Variants in MCTP2 observed in about 807,000 individuals in gnomAD.
MCTP2 encodes the protein multiple C2 and transmembrane domain-containing protein 2.
MCTP2 carries 132 observed loss-of-function variants against 111.6 expected under a neutral mutation model. The observed-to-expected ratio is 1.18, with a 90% CI of 1.03 to 1.37. The LOEUF (loss-of-function observed/expected upper bound fraction) is 1.37. Ranked by LOEUF, MCTP2 falls within the 40% of genes most tolerant of loss-of-function variation. The pLI is 0.00. For missense variants in MCTP2, 1,183 were observed against 1,067.9 expected (o/e 1.11, Z -1.50); for synonymous variants, 395 against 387.7 (o/e 1.02, Z -0.22).
intron 10 of MCTP2, among the ~76,000 whole-genome samples, chr15:94,363,631 A>C (rs2079046373): frequency 6.6e-6 from 1 of 152,176 alleles, no homozygotes. Flanking sequence ...CATGTCTTGC[A>C]GATGAGCTAT....
At chr15:94,321,938 A>G (rs1022430818) in intron 4 of MCTP2, among the ~76,000 whole-genome samples, 1 of 152,234 alleles carries the variant, frequency 6.6e-6, no homozygotes, top group African/African-American at 2.4e-5. Flanking sequence ...ATTATTCGTT[A>G]GGTGAAAGTG....
At chr15:94,426,783 A>T (rs77123705) in intron 17 of MCTP2, among the ~76,000 whole-genome samples, 1 of 152,150 alleles carries the variant, frequency 6.6e-6, no homozygotes, top group Non-Finnish European at 1.5e-5. Context: ...CAGAGAGGAT[A>T]TAGAGTAGGC....
intron 19 of MCTP2, among the ~76,000 whole-genome samples, chr15:94,453,928 ATC>A (rs1689109256): frequency 6.6e-6 from 1 of 152,190 alleles, no homozygotes. Flanking sequence ...ATGTTGATAT[ATC>A]TCTCTGTGGA....
chr15:94,340,280 C>G lies in MCTP2; in HGVS notation c.857+5C>G, dbSNP rs369953247. On this transcript the variant is annotated splice_donor_5th_base_variant and intron_variant, in intron 6 of 22. Transcript: ENST00000357742. ...CAGTGATCTTGAGCTTAACAGGTAC[C>G]GTATTTTTACATTTTAATTGTTATT... The G allele has an allele frequency of 5.6e-6, 9 of 1,600,352 alleles. No homozygotes were observed. The highest frequency in any genetic ancestry group is 7.7e-6 in the Non-Finnish European group (9 of 1,167,940).
chr15:94,330,548 T>C (rs2077084815), intron 4 of MCTP2, among the ~76,000 whole-genome samples: 1 of 152,166 alleles, frequency 6.6e-6, no homozygotes, highest in African/African-American at 2.4e-5. Context: ...TAGTCTCTTT[T>C]TATTGTAGTA....
chr15:94,285,917 G>A (rs967792726), intron 1 of MCTP2, among the ~76,000 whole-genome samples: 9 of 152,090 alleles, frequency 5.9e-5, no homozygotes, highest in African/African-American at 1.4e-4. Flanking sequence ...AATTTCATCC[G>A]GTTCTTTTAG....
chr15:94,358,793 TA>T (rs953155937), intron 10 of MCTP2, among the ~76,000 whole-genome samples, 181 bp downstream of exon 10: 9 of 152,200 alleles, frequency 5.9e-5, no homozygotes, highest in Non-Finnish European at 1.3e-4. Context: ...TTTGTTTGTT[TA>T]ATTGGGAAAT....
chr15:94,235,851 A>G (rs1448930495), intron 1 of MCTP2, among the ~76,000 whole-genome samples: 1 of 152,150 alleles, frequency 6.6e-6, no homozygotes, highest in African/African-American at 2.4e-5. Context: ...TGCCACTGTT[A>G]TGTGTTGGCA....
chr15:94,421,862 T>C (rs1360074082), intron 17 of MCTP2, among the ~76,000 whole-genome samples: 3 of 152,160 alleles, frequency 2.0e-5, no homozygotes, highest in Admixed American at 6.6e-5. Flanking sequence ...TGTGGGTGCC[T>C]ATTTGGGATT....
At chr15:94,464,029 T>G (rs2152532486) in intron 20 of MCTP2, among the ~76,000 whole-genome samples, 1 of 151,488 alleles carries the variant, frequency 6.6e-6, no homozygotes. Flanking sequence ...TGACTTATTT[T>G]GTGTTCTTGA....
chr15:94,313,850 C>T (rs1449063360), intron 2 of MCTP2, among the ~76,000 whole-genome samples: 1 of 152,204 alleles, frequency 6.6e-6, no homozygotes, highest in Non-Finnish European at 1.5e-5. Context: ...TCTCTCAGAT[C>T]ACTCTTTGAA....
At chr15:94,344,778 C>A (rs2077872519) in intron 7 of MCTP2, among the ~76,000 whole-genome samples, 1 of 152,110 alleles carries the variant, frequency 6.6e-6, no homozygotes, top group Non-Finnish European at 1.5e-5. Flanking sequence ...TTTATAATAT[C>A]TGAGTATTTC....
intron 1 of MCTP2, among the ~76,000 whole-genome samples, chr15:94,251,525 AT>A (rs199750160): frequency 0.011 from 1,623 of 151,564 alleles, 79 homozygotes; most frequent in East Asian, 0.027. Context: ...CGCCTGGCTA[AT>A]TTTTGTATTT....
In MCTP2 at chr15:94,441,319, A is replaced by G. The variant is rs188649118; in HGVS notation, c.2208+1021A>G. Among the ~76,000 whole-genome samples, 295 of 152,360 alleles carry G rather than the reference A, an allele frequency of 1.9e-3. 1 individual carries two copies. The highest frequency in any genetic ancestry group is 4.6e-3 in the African/African-American group (192 of 41,574). ...AATGCAATAGGCATGAACACATATC[A>G]GTGAGAAAATAGAACCAGCTAATAA... On this transcript the variant is annotated intron_variant, in intron 18 of 22. Coordinates refer to ENST00000357742, the MANE Select transcript of MCTP2 (RefSeq NM_001385001.1).
At chr15:94,266,661 C>T (rs971471036) in intron 1 of MCTP2, among the ~76,000 whole-genome samples, 1 of 152,078 alleles carries the variant, frequency 6.6e-6, no homozygotes, top group African/African-American at 2.4e-5. Context: ...GAGAAGGAAA[C>T]GAAGGGTATC....
chr15:94,466,648 T>C (rs1351963744), intron 20 of MCTP2, among the ~76,000 whole-genome samples: 1 of 152,054 alleles, frequency 6.6e-6, no homozygotes, highest in Non-Finnish European at 1.5e-5. Context: ...GCCCCCAATC[T>C]CCCATCGTAC....
At position 94,480,388 on chromosome 15, in the gene MCTP2, A is replaced by G. The variant is rs1425757894; in HGVS notation, c.*1354A>G. On this transcript the variant is annotated 3_prime_UTR_variant, in exon 23 of 23. Transcript: ENST00000357742. ...AAACAAAATGTTTACGAAAAATGCC[A>G]AAGATTCTAAATCTTATCATCCCGT... The G allele has an allele frequency of 6.6e-6, 1 of 152,022 alleles. No homozygotes were observed. The highest frequency in any genetic ancestry group is 1.5e-5 in the Non-Finnish European group (1 of 68,008). 9.4% of individuals were successfully genotyped at this position (152,022 alleles called of 1,614,324 possible).
chr15:94,291,654 A>T (rs2075038780), intron 1 of MCTP2, among the ~76,000 whole-genome samples: 1 of 152,202 alleles, frequency 6.6e-6, no homozygotes, highest in Admixed American at 6.5e-5. Flanking sequence ...ATAAGACATG[A>T]CCCAAAGAGG....
chr15:94,397,290 C>T (rs1216719202), intron 14 of MCTP2, among the ~76,000 whole-genome samples: 2 of 152,058 alleles, frequency 1.3e-5, no homozygotes, highest in African/African-American at 4.8e-5. Context: ...TTAAAAAATC[C>T]CTTTGCTATA....
Sources: gnomAD v4.1 joint callset for allele counts (sites outside exome capture counted in the v4.1 genomes callset) on GRCh38, gnomAD v4.1.1 for gene constraint, MANE v1.5 for transcripts, NCBI Gene and HGNC (gene_info 2026-07-23, HGNC 2026-07-21) for gene names.